Variants in CHN1 observed in about 807,000 individuals in gnomAD.
CHN1 encodes the protein chimerin 1.
Under a neutral mutation model 59.5 loss-of-function variants are expected in CHN1, and 37 were observed. The ratio of observed to expected loss-of-function variants is 0.62; its 90% CI spans 0.48 to 0.82. The LOEUF is 0.82. CHN1 is among the 40% of genes least tolerant of loss of function. The probability of loss-of-function intolerance (pLI) is 0.00; values close to 1 mark genes in which losing one functional copy is unlikely to be tolerated. For synonymous variants in CHN1, 206 were observed against 200.4 expected (o/e 1.03, Z -0.24); for missense variants, 469 against 571.0 (o/e 0.82, Z 1.82).
chr2:174,840,718 G>A (rs1686270730), intron 7 of CHN1, among the ~76,000 whole-genome samples: 2 of 152,060 alleles, frequency 1.3e-5, no homozygotes, highest in African/African-American at 2.4e-5. Flanking sequence ...AAGATGTTTC[G>A]ACACTGTTAA....
intron 1 of CHN1, among the ~76,000 whole-genome samples, chr2:174,977,002 G>A (rs1690966623): frequency 6.6e-6 from 1 of 152,210 alleles, no homozygotes; most frequent in Admixed American, 6.5e-5. Flanking sequence ...GAATGACTAT[G>A]TGAGTTTGAA....
intron 3 of CHN1, among the ~76,000 whole-genome samples, chr2:174,921,712 C>A (rs1172877608): frequency 1.3e-5 from 2 of 152,076 alleles, no homozygotes; most frequent in Non-Finnish European, 2.9e-5. Flanking sequence ...ACAGGTCCTT[C>A]TTCACATGGC....
At chr2:174,973,893 G>A (rs1690838557) in intron 1 of CHN1, among the ~76,000 whole-genome samples, 1 of 152,056 alleles carries the variant, frequency 6.6e-6, no homozygotes, top group South Asian at 2.1e-4. Context: ...AATTTCCAGG[G>A]AAAGAAATAT....
At chr2:174,885,274 CAA>C (rs1039960761) in intron 5 of CHN1, among the ~76,000 whole-genome samples, 1 of 138,060 alleles carries the variant, frequency 7.2e-6, no homozygotes, top group African/African-American at 2.8e-5. Context: ...GACTCGGTCT[CAA>C]AAAAAAGAAA....
chr2:174,924,848 TTAATAA>T (rs961389916), intron 3 of CHN1, among the ~76,000 whole-genome samples: 2 of 152,166 alleles, frequency 1.3e-5, no homozygotes, highest in South Asian at 2.1e-4. Context: ...GTTTTATAAA[TTAATAA>T]TAATAGGAAA....
At chr2:174,985,964 T>C (rs530322940) in intron 1 of CHN1, among the ~76,000 whole-genome samples, 91 of 152,340 alleles carry the variant, frequency 6.0e-4, no homozygotes, top group Non-Finnish European at 1.1e-3. Flanking sequence ...AAATGTTCAA[T>C]ACAATATTCC....
chr2:174,952,185 G>A lies in CHN1; in HGVS notation c.37C>T (p.Pro13Ser), dbSNP rs1690043636. ...TTACAGTAAGATTTCCAAACAGGAGGTCTATATTCATCTGTATCTGAAAGA... is the reference window on the plus strand; with the variant it reads ...TTACAGTAAGATTTCCAAACAGGAGATCTATATTCATCTGTATCTGAAAGA... ...LTLFDTDEYR[P>S]PVWKSYLYQL... The change falls in exon 2 of 13, where the codon CCT becomes TCT. Residue 13 changes from proline to serine, a missense_variant. Physicochemically the swap from Pro to Ser is moderately conservative, Grantham distance 74. Transcript: ENST00000409900. The A allele has an allele frequency of 3.4e-6, 5 of 1,463,994 alleles. No homozygotes were observed. The highest frequency in any genetic ancestry group is 1.5e-5 in the South Asian group (1 of 67,562). The allele number at this position is 1,463,994 out of a possible 1,614,324, so 90.7% of individuals were successfully genotyped here.
chr2:174,878,186 TG>T lies in CHN1; in HGVS notation c.261-59del. The T allele has an allele frequency of 2.8e-6, 4 of 1,437,186 alleles. No homozygotes were observed. The African/African-American group carries it at 5.7e-5, about 21-fold the overall frequency. The allele number at this position is 1,437,186 out of a possible 1,614,324, so 89.0% of individuals were successfully genotyped here. A position where few individuals can be genotyped will look rare whatever the true frequency, so the allele number is the denominator to read the frequency against. On this transcript the variant is annotated intron_variant, in intron 5 of 12. Coordinates refer to ENST00000409900, the MANE Select transcript of CHN1 (RefSeq NM_001822.7). ...GAAAAGTAAGCAACTGAATTCTTTCTGAAAAAAAAACAAAAACAAAAAAAAA... is the reference window on the plus strand; with the variant it reads ...GAAAAGTAAGCAACTGAATTCTTTCTAAAAAAAAACAAAAACAAAAAAAAA...
intron 8 of CHN1, among the ~76,000 whole-genome samples, chr2:174,817,451 G>C (rs994469684): frequency 6.6e-6 from 1 of 151,460 alleles, no homozygotes; most frequent in Non-Finnish European, 1.5e-5. Context: ...TGAATGTTTG[G>C]AGTCATCCCC....
intron 1 of CHN1, among the ~76,000 whole-genome samples, chr2:174,952,713 C>G (rs1406930351): frequency 6.6e-6 from 1 of 152,204 alleles, no homozygotes; most frequent in Non-Finnish European, 1.5e-5. Flanking sequence ...GTTCAGATCT[C>G]AGTCCTCACA....
chr2:174,804,601 A>C (rs1171554118), intron 11 of CHN1, among the ~76,000 whole-genome samples: 3 of 152,206 alleles, frequency 2.0e-5, no homozygotes, highest in African/African-American at 7.2e-5. Flanking sequence ...AATGAAGGTA[A>C]TAAGAATTTG....
intron 3 of CHN1, among the ~76,000 whole-genome samples, chr2:174,940,388 A>G (rs1010651172): frequency 6.6e-6 from 1 of 152,148 alleles, no homozygotes; most frequent in Non-Finnish European, 1.5e-5. Context: ...CACATTACCT[A>G]ATACAGTCCA....
chr2:174,915,275 C>T, intron 4 of CHN1, 104 bp from the exon 5 acceptor site: 1 of 855,554 alleles, frequency 1.2e-6, no homozygotes, highest in Non-Finnish European at 1.9e-6. Flanking sequence ...GTTTTCAAGA[C>T]AAAGTACTGC....
At chr2:174,997,046 T>C (rs936774326) in intron 1 of CHN1, among the ~76,000 whole-genome samples, 3 of 152,208 alleles carry the variant, frequency 2.0e-5, no homozygotes, top group African/African-American at 7.2e-5. Context: ...ACATGTTTTA[T>C]TGTCTGTCTC....
intron 1 of CHN1, among the ~76,000 whole-genome samples, chr2:174,964,703 A>C (rs552772950): frequency 6.6e-6 from 1 of 152,316 alleles, no homozygotes; most frequent in African/African-American, 2.4e-5. Flanking sequence ...TTCTAATTGA[A>C]TTTGCTGAAT....
chr2:174,968,046 T>C (rs896992948), intron 1 of CHN1, among the ~76,000 whole-genome samples: 1 of 152,232 alleles, frequency 6.6e-6, no homozygotes, highest in Non-Finnish European at 1.5e-5. Flanking sequence ...GGCATTAAAA[T>C]AGCAACCCTT....
chr2:174,914,716 G>C (rs1462447724), intron 5 of CHN1, among the ~76,000 whole-genome samples: 1 of 151,798 alleles, frequency 6.6e-6, no homozygotes, highest in Non-Finnish European at 1.5e-5. Flanking sequence ...AGTGGCACAC[G>C]TCTATAATCC....
At chr2:174,876,688 T>C (rs1687574321) in intron 6 of CHN1, among the ~76,000 whole-genome samples, 1 of 152,204 alleles carries the variant, frequency 6.6e-6, no homozygotes, top group Admixed American at 6.5e-5. Context: ...GGACACAAAC[T>C]TTCTTATTTC....
At chr2:174,882,679 C>T (rs1687772844) in intron 5 of CHN1, among the ~76,000 whole-genome samples, 2 of 152,100 alleles carry the variant, frequency 1.3e-5, no homozygotes, top group Admixed American at 1.3e-4. Context: ...GAAGTATTTC[C>T]AGCAACCAAC....
Sources: allele counts gnomAD v4.1 joint callset (sites outside exome capture counted in the v4.1 genomes callset), GRCh38; gene constraint gnomAD v4.1.1; transcripts MANE v1.5; gene names NCBI Gene and HGNC (gene_info 2026-07-23, HGNC 2026-07-21).